The following PLCL2 variants were observed in gnomAD, a reference collection of about 807,000 sequenced individuals.
PLCL2 encodes phospholipase C like 2.
In PLCL2, 4 loss-of-function variants were observed where a neutral mutation model predicts 79.6. The observed-to-expected ratio is 0.05, with a 90% CI of 0.02 to 0.11. The LOEUF is 0.11. PLCL2 is among the 10% of genes least tolerant of loss of function. The pLI, the probability that PLCL2 is intolerant of heterozygous loss-of-function variation, is 1.00. For synonymous variants in PLCL2, 484 were observed against 457.7 expected (o/e 1.06, Z -0.73); for missense variants, 895 against 1,291.0 (o/e 0.69, Z 4.70).
chr3:16,979,927 A>G (rs1323428172), intron 1 of PLCL2, among the ~76,000 whole-genome samples: 2 of 145,154 alleles, frequency 1.4e-5, no homozygotes, highest in Admixed American at 6.8e-5. Context: ...GGCAGAGGCG[A>G]CCCTCACCTC....
chr3:17,051,193 G>A (rs1002949676), intron 4 of PLCL2, among the ~76,000 whole-genome samples: 4 of 152,198 alleles, frequency 2.6e-5, no homozygotes, highest in African/African-American at 7.2e-5. Flanking sequence ...TGGTTAATGC[G>A]TACCAAAAAA....
At chr3:16,974,318 A>G (rs986028523) in intron 1 of PLCL2, among the ~76,000 whole-genome samples, 17 of 152,202 alleles carry the variant, frequency 1.1e-4, no homozygotes, top group Admixed American at 5.2e-4. Flanking sequence ...GGGTGACAGT[A>G]GCAAGCTAGG....
At chr3:17,032,410 A>G (rs988605001) in intron 3 of PLCL2, among the ~76,000 whole-genome samples, 1 of 152,164 alleles carries the variant, frequency 6.6e-6, no homozygotes, top group African/African-American at 2.4e-5. Flanking sequence ...GTTTTTGGTG[A>G]CATAAACCAC....
At chr3:17,005,169 G>A (rs1044742326) in intron 1 of PLCL2, among the ~76,000 whole-genome samples, 9 of 152,134 alleles carry the variant, frequency 5.9e-5, no homozygotes, top group Admixed American at 1.3e-4. Flanking sequence ...TCAAGTGGAA[G>A]TCTTTCAAGT....
At position 17,009,854 on chromosome 3, in the gene PLCL2, C is replaced by G; in HGVS notation, c.508C>G (p.Gln170Glu). 2 of 1,613,626 alleles carry G rather than the reference C, an allele frequency of 1.2e-6. No individual in the cohort carries two copies. Among genetic ancestry groups the G allele is most frequent in the Non-Finnish European group, 8.5e-7 (1 of 1,179,584 alleles). ...GTACTTTTTACTGGATGCTGACATG[C>G]AGAGCCTAAGGTGGGAGCCATCTAA... ...HRYFLLDADM[Q>E]SLRWEPSKKD... The change falls in exon 2 of 6, where the codon CAG (glutamine) becomes GAG (glutamate). Residue 170 changes from glutamine (Q) to glutamate (E), a missense_variant. Transcript: ENST00000615277. The surrounding 1 kb of genome is among the most constrained non-coding windows in gnomAD (Gnocchi z 4.0).
At chr3:17,039,163 A>G (rs952303707) in intron 3 of PLCL2, among the ~76,000 whole-genome samples, 1 of 152,242 alleles carries the variant, frequency 6.6e-6, no homozygotes, top group African/African-American at 2.4e-5. Context: ...TTATAATCAC[A>G]GCTTGTTATA....
intron 4 of PLCL2, among the ~76,000 whole-genome samples, chr3:17,063,818 C>A (rs2064981376): frequency 6.6e-6 from 1 of 152,214 alleles, no homozygotes; most frequent in Non-Finnish European, 1.5e-5. Context: ...TTCGCATCCC[C>A]ATAGTGGGAG....
At chr3:17,004,970 C>T (rs2064246334) in intron 1 of PLCL2, among the ~76,000 whole-genome samples, 1 of 148,478 alleles carries the variant, frequency 6.7e-6, no homozygotes, top group Non-Finnish European at 1.5e-5. Flanking sequence ...TTTCATACTA[C>T]ACCCTCTCCC....
chr3:17,003,957 C>A (rs1421408405), intron 1 of PLCL2, among the ~76,000 whole-genome samples: 1 of 152,150 alleles, frequency 6.6e-6, no homozygotes, highest in Non-Finnish European at 1.5e-5. Context: ...CTCCCGGTTA[C>A]CCTAGATGGA....
At chr3:16,915,741 T>C (rs1380837674) in intron 1 of PLCL2, among the ~76,000 whole-genome samples, 1 of 152,234 alleles carries the variant, frequency 6.6e-6, no homozygotes, top group Non-Finnish European at 1.5e-5. Flanking sequence ...TAAAAGGTTA[T>C]TTTGACATTA....
At chr3:16,914,802 A>T (rs1450878435) in intron 1 of PLCL2, among the ~76,000 whole-genome samples, 2 of 152,002 alleles carry the variant, frequency 1.3e-5, no homozygotes, top group Non-Finnish European at 2.9e-5. Flanking sequence ...AGTGGCATGA[A>T]CATAGCAGCC....
intron 1 of PLCL2, among the ~76,000 whole-genome samples, chr3:16,938,126 C>T (rs1397254647): frequency 6.6e-6 from 1 of 152,176 alleles, no homozygotes; most frequent in African/African-American, 2.4e-5. Flanking sequence ...TTATAAATCT[C>T]TGCCAAAAAC....
chr3:16,948,519 GGT>G (rs1362919432), intron 1 of PLCL2, among the ~76,000 whole-genome samples: 4 of 152,134 alleles, frequency 2.6e-5, no homozygotes, highest in Non-Finnish European at 5.9e-5. Flanking sequence ...TGTATTGTGT[GGT>G]GTGTGAATTA....
intron 1 of PLCL2, chr3:16,933,144 C>T (rs1027772045): frequency 1.9e-5 from 3 of 154,770 alleles, no homozygotes; most frequent in Non-Finnish European, 4.4e-5. Flanking sequence ...GGTTGCTGCT[C>T]AGGAAATTTG....
chr3:16,971,741 G>C (rs1471654687), intron 1 of PLCL2, among the ~76,000 whole-genome samples: 2 of 152,054 alleles, frequency 1.3e-5, no homozygotes, highest in Non-Finnish European at 2.9e-5. Flanking sequence ...GTGGTTTGTA[G>C]TTCTCCTTGA....
chr3:16,889,249 G>A (rs150490840), intron 1 of PLCL2, among the ~76,000 whole-genome samples: 1 of 152,238 alleles, frequency 6.6e-6, no homozygotes, highest in South Asian at 2.1e-4. Flanking sequence ...TGTGCCCCAG[G>A]TGCTGGAGCT....
rs61751587 is a variant in PLCL2 at position 17,011,509 on chromosome 3, C to T, written c.2163C>T (p.Asn721=). The change falls in exon 2 of 6, where the codon AAC becomes AAT. Residue 721 remains asparagine (N), a synonymous_variant. Coordinates refer to ENST00000615277, the MANE Select transcript of PLCL2 (RefSeq NM_001144382.2). The surrounding 1 kb of genome is among the most constrained non-coding windows in gnomAD (Gnocchi z 7.9). Reference sequence around the variant, plus strand: ...TGAATATTGGCTGGTTTAGGCAGAACGGAAACTGTGGCTATGTCCTCCGGC... The same window carrying T: ...TGAATATTGGCTGGTTTAGGCAGAATGGAAACTGTGGCTATGTCCTCCGGC... ...MDLNIGWFRQ[N]GNCGYVLRPA... 47,330 of 1,614,008 alleles carry T rather than the reference C, an allele frequency of 0.029. 858 individuals carry two copies. The highest frequency in any genetic ancestry group is 0.041 in the South Asian group (3,772 of 91,078).
At chr3:16,946,953 C>CTTTTCT (rs2063606158) in intron 1 of PLCL2, among the ~76,000 whole-genome samples, 1 of 95,444 alleles carries the variant, frequency 1.0e-5, no homozygotes, top group East Asian at 3.0e-4. Context: ...AAGTTTCATT[C>CTTTTCT]TTTTTTTTTT....
At chr3:17,006,272 A>G (rs892364667) in intron 1 of PLCL2, among the ~76,000 whole-genome samples, 1 of 152,230 alleles carries the variant, frequency 6.6e-6, no homozygotes, top group Non-Finnish European at 1.5e-5. Flanking sequence ...TAAGAGTGGG[A>G]TAAGGATTCC....
Sources: gnomAD v4.1 joint callset for allele counts (sites outside exome capture counted in the v4.1 genomes callset) on GRCh38, gnomAD v4.1.1 for gene constraint, Gnocchi (gnomAD v3.1) non-coding constraint, MANE v1.5 for transcripts, NCBI Gene and HGNC (gene_info 2026-07-23, HGNC 2026-07-21) for gene names.